KIAA1328: variants seen among roughly 807,000 people sequenced by gnomAD.
The protein encoded by KIAA1328 is KIAA1328.
In KIAA1328, 52 loss-of-function variants were observed where a neutral mutation model predicts 68.1. The observed-to-expected ratio is 0.76, with a 90% CI of 0.61 to 0.96. The LOEUF (loss-of-function observed/expected upper bound fraction) is 0.96. Ranked by LOEUF, KIAA1328 falls within the 40% of genes least tolerant of loss-of-function variation. The probability of loss-of-function intolerance (pLI) is 0.00; values close to 1 mark genes in which losing one functional copy is unlikely to be tolerated. For synonymous variants in KIAA1328, 232 were observed against 239.4 expected (o/e 0.97, Z 0.28); for missense variants, 641 against 677.6 (o/e 0.95, Z 0.60).
intron 6 of KIAA1328, among the ~76,000 whole-genome samples, chr18:36,992,451 CTTTTT>C (rs71168252): frequency 3.1e-5 from 4 of 130,100 alleles, no homozygotes; most frequent in African/African-American, 1.0e-4. Flanking sequence ...TCTTTTCTTT[CTTTTT>C]TTTTTTTTTT....
At chr18:37,037,268 A>T (rs1199745356) in intron 6 of KIAA1328, among the ~76,000 whole-genome samples, 1 of 152,182 alleles carries the variant, frequency 6.6e-6, no homozygotes, top group Non-Finnish European at 1.5e-5. Context: ...CTCTCACATT[A>T]ATGACAGGTT....
intron 5 of KIAA1328, among the ~76,000 whole-genome samples, chr18:36,892,619 C>T (rs1033903560): frequency 1.2e-4 from 19 of 152,116 alleles, no homozygotes; most frequent in Admixed American, 1.2e-3. Context: ...TGATAATCAT[C>T]ACGAATACTA....
intron 6 of KIAA1328, among the ~76,000 whole-genome samples, chr18:36,978,571 A>G (rs565354520): frequency 6.6e-6 from 1 of 152,312 alleles, no homozygotes; most frequent in East Asian, 1.9e-4. Flanking sequence ...CTTTTAACAC[A>G]TTTTTAACTT....
downstream of KIAA1328, among the ~76,000 whole-genome samples, chr18:37,226,787 G>C (rs986998802): frequency 8.1e-5 from 3 of 37,200 alleles, no homozygotes; most frequent in Non-Finnish European, 4.7e-5. Context: ...TTTTTTTTTT[G>C]ACAGAGTTTC....
chr18:37,201,130 T>C (rs1431453899), intron 9 of KIAA1328, among the ~76,000 whole-genome samples: 1 of 152,220 alleles, frequency 6.6e-6, no homozygotes, highest in Non-Finnish European at 1.5e-5. Flanking sequence ...TCTATATCAC[T>C]GCTCTTGCTT....
chr18:37,146,527 G>A (rs1055122871), intron 7 of KIAA1328, among the ~76,000 whole-genome samples: 7 of 152,264 alleles, frequency 4.6e-5, no homozygotes, highest in Non-Finnish European at 8.8e-5. Context: ...ATTTTGCATA[G>A]TGCTGCAGTG....
At position 37,172,956 on chromosome 18, in the gene KIAA1328, C is replaced by A. The variant is rs764025952; in HGVS notation, c.1415-17C>A. 1.9e-6 allele frequency: 3 copies of A among 1,571,676 alleles called. No homozygotes were observed. Among genetic ancestry groups the A allele is most frequent in the Non-Finnish European group, 2.6e-6 (3 of 1,152,236 alleles). On this transcript the variant is annotated splice_polypyrimidine_tract_variant and intron_variant, in intron 8 of 9. Coordinates refer to ENST00000280020, the MANE Select transcript of KIAA1328 (RefSeq NM_020776.3). ...TTTTACTGAATGCCCAAATTATTTT[C>A]TTTATTTTTCATATAGGGACAGTGA...
intron 7 of KIAA1328, among the ~76,000 whole-genome samples, chr18:37,100,254 G>A (rs1599265021): frequency 6.6e-6 from 1 of 152,144 alleles, no homozygotes; most frequent in South Asian, 2.1e-4. Context: ...AAGGGGTCAG[G>A]CAATTCCCTT....
chr18:37,105,882 G>T (rs574467423), intron 7 of KIAA1328, among the ~76,000 whole-genome samples: 1 of 115,722 alleles, frequency 8.6e-6, no homozygotes, highest in Non-Finnish European at 1.6e-5. Context: ...GCTCCACTGC[G>T]CTCCAGCCTG....
intron 6 of KIAA1328, among the ~76,000 whole-genome samples, chr18:37,002,206 T>C (rs946934215): frequency 2.0e-5 from 3 of 149,256 alleles, no homozygotes; most frequent in African/African-American, 7.3e-5. Flanking sequence ...GCATTTCTTT[T>C]TCTTTTTCTT....
At chr18:37,056,505 A>C (rs941411057) in intron 6 of KIAA1328, among the ~76,000 whole-genome samples, 1 of 152,036 alleles carries the variant, frequency 6.6e-6, no homozygotes, top group Non-Finnish European at 1.5e-5. Context: ...ATTATGCTTC[A>C]ATTCTGTCGT....
chr18:37,150,767 G>A (rs1025501335), intron 7 of KIAA1328, among the ~76,000 whole-genome samples: 1 of 151,958 alleles, frequency 6.6e-6, no homozygotes, highest in African/African-American at 2.4e-5. Context: ...ATCTCAAACA[G>A]ATGCAGGAAA....
intron 6 of KIAA1328, among the ~76,000 whole-genome samples, chr18:37,023,685 G>A (rs964810982): frequency 3.3e-5 from 5 of 152,162 alleles, no homozygotes; most frequent in Non-Finnish European, 7.3e-5. Flanking sequence ...CAGCTGACAA[G>A]GATTGTATGT....
At chr18:37,117,824 C>T (rs969225150) in intron 7 of KIAA1328, among the ~76,000 whole-genome samples, 1 of 150,838 alleles carries the variant, frequency 6.6e-6, no homozygotes, top group African/African-American at 2.4e-5. Context: ...TAATGCATCT[C>T]ACGTTAGATG....
chr18:37,156,444 A>G (rs932817466), intron 7 of KIAA1328, among the ~76,000 whole-genome samples: 2 of 151,302 alleles, frequency 1.3e-5, no homozygotes, highest in Non-Finnish European at 3.0e-5. Context: ...AAAAAAAAAA[A>G]AAAAAAAAGA....
intron 7 of KIAA1328, among the ~76,000 whole-genome samples, chr18:37,080,281 G>A (rs182009415): frequency 7.2e-5 from 11 of 152,270 alleles, no homozygotes; most frequent in African/African-American, 2.6e-4. Context: ...ACTTGAAAGT[G>A]GTTGGCATTT....
At position 37,172,949 on chromosome 18, in the gene KIAA1328, T is replaced by C. The variant is rs753680703; in HGVS notation, c.1415-24T>C. ...CATTTTCTTTTACTGAATGCCCAAA[T>C]TATTTTCTTTATTTTTCATATAGGG... On this transcript the variant is annotated intron_variant, in intron 8 of 9. Transcript: ENST00000280020. 2.6e-6 allele frequency: 4 copies of C among 1,552,402 alleles called. No homozygotes were observed. The South Asian group carries it at 4.6e-5, about 18-fold the overall frequency.
chr18:37,207,983 A>G (rs146921076), intron 9 of KIAA1328, among the ~76,000 whole-genome samples: 1 of 151,978 alleles, frequency 6.6e-6, no homozygotes, highest in African/African-American at 2.4e-5. Flanking sequence ...CTAATTCTGT[A>G]TTTGCAGTAG....
intron 6 of KIAA1328, among the ~76,000 whole-genome samples, chr18:36,976,940 A>G (rs867770364): frequency 7.2e-5 from 11 of 152,300 alleles, no homozygotes; most frequent in Middle Eastern, 3.4e-3. Flanking sequence ...AATTTATTTC[A>G]TTTCATACGG....
Sources: gnomAD v4.1 joint callset for allele counts (sites outside exome capture counted in the v4.1 genomes callset) on GRCh38, gnomAD v4.1.1 for gene constraint, MANE v1.5 for transcripts, NCBI Gene and HGNC (gene_info 2026-07-23, HGNC 2026-07-21) for gene names.